Variants in EXOC6B observed in about 807,000 individuals in gnomAD.
The protein encoded by EXOC6B is exocyst complex component 6B.
EXOC6B carries 54 observed loss-of-function variants against 113.5 expected under a neutral mutation model. The ratio of observed to expected loss-of-function variants is 0.48; its 90% CI spans 0.38 to 0.60. EXOC6B has a LOEUF of 0.60. Among genes scored for constraint, EXOC6B ranks in the 20% least tolerant of loss-of-function variants. The pLI, the probability that EXOC6B is intolerant of heterozygous loss-of-function variation, is 0.00. For synonymous variants in EXOC6B, 357 were observed against 339.0 expected (o/e 1.05, Z -0.58); for missense variants, 797 against 977.5 (o/e 0.82, Z 2.46).
intron 16 of EXOC6B, among the ~76,000 whole-genome samples, chr2:72,488,021 C>A (rs1021449284): frequency 7.9e-5 from 12 of 152,174 alleles, no homozygotes; most frequent in Non-Finnish European, 4.4e-5. Flanking sequence ...TCTGCAGGAG[C>A]CATTCTCTTT....
At chr2:72,643,118 T>G (rs1673392322) in intron 6 of EXOC6B, among the ~76,000 whole-genome samples, 1 of 151,562 alleles carries the variant, frequency 6.6e-6, no homozygotes, top group Non-Finnish European at 1.5e-5. Flanking sequence ...AAACAACAGG[T>G]GCTGGAGAGG....
Position 72,667,728 on chromosome 2 carries a change from A to G in EXOC6B, c.669+50375T>C, listed in dbSNP as rs1051603604. Among the ~76,000 whole-genome samples the G allele has an allele frequency of 3.9e-5, 6 of 152,202 alleles. No homozygotes were observed. In the East Asian group the frequency reaches 5.8e-4, roughly 15 times the overall value. On this transcript the variant is annotated intron_variant, in intron 6 of 21. Coordinates refer to ENST00000272427, the MANE Select transcript of EXOC6B (RefSeq NM_015189.3). ...CATCAGATTCAAAAATTCACTCAAG[A>G]TGGACTAAAGAATTAAATGTAAGAC... is the stretch of plus-strand genomic sequence containing the variant.
rs1385967844 is a variant in EXOC6B at position 72,496,573 on chromosome 2, G to T, written c.1338-14C>A. The T allele has an allele frequency of 3.7e-6, 5 of 1,361,156 alleles. No individual in the cohort carries two copies. Among genetic ancestry groups the T allele is most frequent in the South Asian group, 2.4e-5 (2 of 82,736 alleles). 84.3% of individuals were successfully genotyped at this position (1,361,156 alleles called of 1,614,324 possible). Reference sequence around the variant, plus strand: ...TCAAGTATGTTTCTATAAATGGAAGGATAGACAAAGGGAAGGGAAGGATAG... The same window carrying T: ...TCAAGTATGTTTCTATAAATGGAAGTATAGACAAAGGGAAGGGAAGGATAG... On this transcript the variant is annotated splice_polypyrimidine_tract_variant and intron_variant, in intron 13 of 21. Transcript: ENST00000272427.
intron 6 of EXOC6B, among the ~76,000 whole-genome samples, chr2:72,652,716 T>A (rs1479700152): frequency 6.7e-6 from 1 of 148,294 alleles, no homozygotes; most frequent in East Asian, 1.9e-4. Context: ...TACTTTTTTC[T>A]ATGAAATTAT....
chr2:72,518,484 GT>G (rs560557063), intron 8 of EXOC6B, among the ~76,000 whole-genome samples: 578 of 8,414 alleles, frequency 0.069, 8 homozygotes, highest in African/African-American at 0.16. Flanking sequence ...TTAAAGTAGG[GT>G]GTGTGTGTGT....
At position 72,233,503 on chromosome 2, in the gene EXOC6B, G is replaced by A. The variant is rs137975119; in HGVS notation, c.2197-49316C>T. Among the ~76,000 whole-genome samples, 18 of 152,308 alleles carry A rather than the reference G, an allele frequency of 1.2e-4. No homozygotes were observed. In the East Asian group the frequency reaches 2.1e-3, roughly 18 times the overall value. On this transcript the variant is annotated intron_variant, in intron 20 of 21. Transcript: ENST00000272427. ...ATTCACACTCTCCACAGGAACTTGA[G>A]CAAGAATGGGAATAGGAGAATCCCC...
intron 18 of EXOC6B, among the ~76,000 whole-genome samples, chr2:72,397,625 A>AAAATAAAATAAAATAAAGT (rs1553396402): frequency 9.6e-6 from 1 of 104,142 alleles, no homozygotes; most frequent in African/African-American, 7.9e-5. Context: ...CTCAAAAAAA[A>AAAATAAAATAAAATAAAGT]AAAATAAAAT....
At position 72,495,457 on chromosome 2, in the gene EXOC6B, A is replaced by C; in HGVS notation, c.1526T>G (p.Leu509Arg). The C allele has an allele frequency of 1.3e-6, 2 of 1,598,946 alleles. No individual in the cohort carries two copies. Among genetic ancestry groups the C allele is most frequent in the Non-Finnish European group, 1.7e-6 (2 of 1,170,174 alleles). Reference sequence around the variant, plus strand: ...TAGATGAAGATCTTCTGAAAACTTCAGACAAGCGTAGATAAATTCTTTAAT... The same window carrying C: ...TAGATGAAGATCTTCTGAAAACTTCCGACAAGCGTAGATAAATTCTTTAAT... ...NQIKEFIYACLKFSEDLHLSS... is the reference protein window; with the variant it reads ...NQIKEFIYACRKFSEDLHLSS... Residue 509 changes from leucine (L) to arginine (R), a missense_variant, in exon 15 of 22, where the codon CTG becomes CGG. Coordinates refer to ENST00000272427, the MANE Select transcript of EXOC6B (RefSeq NM_015189.3).
chr2:72,617,171 G>A (rs1671432583), intron 6 of EXOC6B, among the ~76,000 whole-genome samples: 1 of 152,216 alleles, frequency 6.6e-6, no homozygotes, highest in African/African-American at 2.4e-5. Flanking sequence ...ACGGCCTTGG[G>A]CAGCTCCACC....
chr2:72,248,305 G>GGGA (rs1247094657), intron 20 of EXOC6B, among the ~76,000 whole-genome samples: 1 of 152,062 alleles, frequency 6.6e-6, no homozygotes, highest in East Asian at 1.9e-4. Flanking sequence ...CTTTGAAGAA[G>GGGA]GGATCTAGGT....
intron 18 of EXOC6B, among the ~76,000 whole-genome samples, chr2:72,437,962 A>G (rs1158093981): frequency 6.6e-6 from 1 of 152,098 alleles, no homozygotes; most frequent in South Asian, 2.1e-4. Flanking sequence ...TAAATTTGCA[A>G]TACTTCAAAT....
In EXOC6B at chr2:72,566,043, G is replaced by A. The variant is rs150707879; in HGVS notation, c.847-6522C>T. On this transcript the variant is annotated intron_variant, in intron 7 of 21. Coordinates refer to ENST00000272427, the MANE Select transcript of EXOC6B (RefSeq NM_015189.3). Reference sequence around the variant, plus strand: ...TTTTTTAAGTTTTAAAGTGTTTTGCGTATGGTAAAATTCACTCTTTCTAGT... The same window carrying A: ...TTTTTTAAGTTTTAAAGTGTTTTGCATATGGTAAAATTCACTCTTTCTAGT... Among the ~76,000 whole-genome samples, 171 of 151,792 alleles carry A rather than the reference G, an allele frequency of 1.1e-3. 1 individual carries two copies. The highest frequency in any genetic ancestry group is 3.7e-3 in the African/African-American group (155 of 41,386).
chr2:72,380,073 C>A (rs1160683296), intron 18 of EXOC6B, among the ~76,000 whole-genome samples: 2 of 152,146 alleles, frequency 1.3e-5, no homozygotes, highest in African/African-American at 4.8e-5. Flanking sequence ...CACCATCAGT[C>A]ATGGTAGCTG....
chr2:72,419,090 T>C (rs1694708961), intron 18 of EXOC6B, among the ~76,000 whole-genome samples: 2 of 151,662 alleles, frequency 1.3e-5, no homozygotes, highest in South Asian at 4.2e-4. Context: ...AAAAACTCTG[T>C]TCCTTTATAG....
chr2:72,778,363 A>C (rs1239537502), intron 1 of EXOC6B, among the ~76,000 whole-genome samples: 9 of 152,202 alleles, frequency 5.9e-5, no homozygotes, highest in Admixed American at 5.9e-4. Flanking sequence ...AAAACTAAAC[A>C]AAACAAGCTT....
chr2:72,423,142 C>G (rs2105270021), intron 18 of EXOC6B, among the ~76,000 whole-genome samples: 1 of 152,162 alleles, frequency 6.6e-6, no homozygotes, highest in African/African-American at 2.4e-5. Flanking sequence ...ACCACGAGCC[C>G]ACCGGGAGGA....
At chr2:72,539,023 T>C (rs919543314) in intron 8 of EXOC6B, among the ~76,000 whole-genome samples, 1 of 152,042 alleles carries the variant, frequency 6.6e-6, no homozygotes, top group African/African-American at 2.4e-5. Flanking sequence ...CTCACTAACC[T>C]CAAGTACCAT....
intron 7 of EXOC6B, among the ~76,000 whole-genome samples, chr2:72,571,075 A>C (rs1337397773): frequency 6.6e-6 from 1 of 152,204 alleles, no homozygotes; most frequent in Non-Finnish European, 1.5e-5. Context: ...TTTATCTTCA[A>C]ATATCTCAAA....
intron 8 of EXOC6B, among the ~76,000 whole-genome samples, chr2:72,540,988 C>T (rs552924706): frequency 6.6e-6 from 1 of 152,260 alleles, no homozygotes; most frequent in African/African-American, 2.4e-5. Context: ...TTGTGACTGG[C>T]ATTTGATATG....
Sources: gnomAD v4.1 joint callset for allele counts (sites outside exome capture counted in the v4.1 genomes callset) on GRCh38, gnomAD v4.1.1 for gene constraint, MANE v1.5 for transcripts, NCBI Gene and HGNC (gene_info 2026-07-23, HGNC 2026-07-21) for gene names.